Variants in ESRRG observed in about 807,000 individuals in gnomAD.
ESRRG encodes the protein estrogen related receptor gamma.
In ESRRG, 13 loss-of-function variants were observed where a neutral mutation model predicts 44.0. The observed-to-expected ratio is 0.30, with a 90% CI of 0.19 to 0.47. The LOEUF (loss-of-function observed/expected upper bound fraction) is 0.47. Ranked by LOEUF, ESRRG falls within the 20% of genes least tolerant of loss-of-function variation. The probability of loss-of-function intolerance (pLI) is 1.00; values close to 1 mark genes in which losing one functional copy is unlikely to be tolerated. For synonymous variants in ESRRG, 215 were observed against 214.6 expected, an observed-to-expected ratio of 1.00 and a Z score of -0.02; for missense variants, 395 against 580.6, an observed-to-expected ratio of 0.68 and a Z score of 3.29.
intron 1 of ESRRG, among the ~76,000 whole-genome samples, chr1:217,022,758 C>T (rs2080547686): frequency 6.6e-6 from 1 of 152,072 alleles, no homozygotes; most frequent in Non-Finnish European, 1.5e-5. Context: ...GTTTGGCATC[C>T]CCCACATCTG....
chr1:216,687,984 GACA>G (rs2151677698), intron 1 of ESRRG, among the ~76,000 whole-genome samples: 1 of 151,810 alleles, frequency 6.6e-6, no homozygotes, highest in African/African-American at 2.4e-5. Context: ...TAGTGCCTCT[GACA>G]ACAACTTCTG....
chr1:216,676,118 TCCCCTATTTTCTTCAAAAGTGAATTA>T (rs2076065339), intron 2 of ESRRG, among the ~76,000 whole-genome samples: 1 of 152,180 alleles, frequency 6.6e-6, no homozygotes, highest in African/African-American at 2.4e-5. Context: ...ATTTTTTTCT[TCCCCTATTTTCTTCAAAAGTGAATTA>T]CAAGAGACCT....
chr1:217,092,944 A>C (rs1304955389), upstream of ESRRG, among the ~76,000 whole-genome samples: 1 of 138,748 alleles, frequency 7.2e-6, no homozygotes, highest in Non-Finnish European at 1.6e-5. Flanking sequence ...CCTAGAAAAC[A>C]ATTTAGGGAA....
chr1:216,779,914 A>G lies in ESRRG; in HGVS notation c.-13-102423T>C, dbSNP rs1162273541. 3.3e-5 allele frequency among the ~76,000 whole-genome samples: 5 copies of G among 151,790 alleles called. No homozygotes were observed. The South Asian group carries it at 1.0e-3, about 32-fold the overall frequency. ...ATAATGCACCATTAGATTCACATTA[A>G]AAATCAAACAAGATGCCATGTATAA... On this transcript the variant is annotated intron_variant, in intron 2 of 7. Coordinates refer to the ESRRG transcript ENST00000359162.
intron 1 of ESRRG, among the ~76,000 whole-genome samples, chr1:217,045,517 C>A (rs946859409): frequency 1.3e-4 from 20 of 152,274 alleles, no homozygotes; most frequent in African/African-American, 4.6e-4. Context: ...TGGGACCTCC[C>A]AAAGGAAAAT....
chr1:217,047,693 A>G (rs2151197744), intron 1 of ESRRG, among the ~76,000 whole-genome samples: 1 of 152,296 alleles, frequency 6.6e-6, no homozygotes, highest in South Asian at 2.1e-4. Context: ...AGCAGATGGG[A>G]ATGACCAAGA....
In ESRRG at chr1:216,847,884, A is replaced by T. The variant is rs1289507221; in HGVS notation, c.-14+91698T>A. Among the ~76,000 whole-genome samples the T allele has an allele frequency of 2.0e-5, 3 of 152,152 alleles. No individual in the cohort carries two copies. In the East Asian group the frequency reaches 5.8e-4, roughly 29 times the overall value. On this transcript the variant is annotated intron_variant, in intron 2 of 7. Transcript: ENST00000359162. ...GTACAATAATATGTTCAGGGAGCAG[A>T]AGAGGGACACTCCATTCTTGTCTCC... is the stretch of plus-strand genomic sequence containing the variant.
At chr1:216,835,267 A>G (rs925827313) in intron 2 of ESRRG, among the ~76,000 whole-genome samples, 4 of 152,202 alleles carry the variant, frequency 2.6e-5, no homozygotes, top group Admixed American at 6.5e-5. Context: ...CCCCAGAATC[A>G]TAGCAGATTC....
intron 5 of ESRRG, among the ~76,000 whole-genome samples, chr1:216,547,651 C>A (rs1572735461): frequency 6.6e-6 from 1 of 152,018 alleles, no homozygotes; most frequent in Non-Finnish European, 1.5e-5. Flanking sequence ...GTGATTAATT[C>A]TCATAGCATA....
In ESRRG at chr1:217,111,664, C is replaced by T. The variant is rs117564326; in HGVS notation, c.-230+26003G>A. 4.8e-3 allele frequency among the ~76,000 whole-genome samples: 728 copies of T among 152,212 alleles called. 35 individuals carry two copies. In the South Asian group the frequency reaches 0.11, roughly 22 times the overall value. The stretch of plus-strand genomic sequence containing the variant: ...TGTCTCCCCCACCCCACTGTGAAAC[C>T]ACAGAGGCTCCTGAAACATCTCCCA... On this transcript the variant is annotated intron_variant, in intron 1 of 8. Coordinates refer to the ESRRG transcript ENST00000366940.
intron 1 of ESRRG, among the ~76,000 whole-genome samples, chr1:217,048,041 C>T (rs1468061252): frequency 6.6e-6 from 1 of 152,190 alleles, no homozygotes; most frequent in Non-Finnish European, 1.5e-5. Context: ...TCTAAAGAGT[C>T]TTTCTCTCCT....
intron 1 of ESRRG, among the ~76,000 whole-genome samples, chr1:216,957,653 A>C (rs1198331113): frequency 6.6e-6 from 1 of 152,002 alleles, no homozygotes; most frequent in Non-Finnish European, 1.5e-5. Flanking sequence ...TATCCACAGC[A>C]CCAGCATCTC....
At chr1:216,873,424 C>T (rs1273344368) in intron 2 of ESRRG, among the ~76,000 whole-genome samples, 1 of 151,920 alleles carries the variant, frequency 6.6e-6, no homozygotes, top group East Asian at 1.9e-4. Context: ...ATTGGCCAGG[C>T]TGGTCTCGAA....
chr1:217,092,361 A>G (rs946435), upstream of ESRRG, among the ~76,000 whole-genome samples: 146,346 of 152,294 alleles, frequency 0.96, 70,596 homozygotes, highest in Middle Eastern at 1. Flanking sequence ...AACTTTACTC[A>G]TGCTTAGACC....
chr1:216,831,290 C>A (rs1349033548), intron 2 of ESRRG, among the ~76,000 whole-genome samples: 1 of 152,284 alleles, frequency 6.6e-6, no homozygotes, highest in South Asian at 2.1e-4. Flanking sequence ...TCTTAAACTT[C>A]ATCACCTTAT....
intron 5 of ESRRG, among the ~76,000 whole-genome samples, chr1:216,534,508 A>T (rs1405804601): frequency 6.6e-6 from 1 of 152,176 alleles, no homozygotes; most frequent in African/African-American, 2.4e-5. Context: ...TATCTTTAAA[A>T]CAATAATTCA....
intron 2 of ESRRG, among the ~76,000 whole-genome samples, chr1:216,775,886 C>T (rs1033667971): frequency 1.3e-5 from 2 of 151,588 alleles, no homozygotes; most frequent in Non-Finnish European, 2.9e-5. Context: ...CAATATCACC[C>T]CCAATTTATC....
intron 5 of ESRRG, among the ~76,000 whole-genome samples, chr1:216,554,433 G>A (rs1199722901): frequency 6.8e-6 from 1 of 146,032 alleles, no homozygotes; most frequent in Non-Finnish European, 1.5e-5. Context: ...CAGCCTGGGC[G>A]ACAAGAGTGA....
intron 3 of ESRRG, among the ~76,000 whole-genome samples, chr1:216,627,291 T>G (rs1220038959): frequency 6.6e-6 from 1 of 152,214 alleles, no homozygotes; most frequent in Non-Finnish European, 1.5e-5. Flanking sequence ...TCCTGGTCAC[T>G]CAATCCTTTC....
Sources: allele counts gnomAD v4.1 joint callset (sites outside exome capture counted in the v4.1 genomes callset), GRCh38; gene constraint gnomAD v4.1.1; transcripts MANE v1.5; gene names NCBI Gene and HGNC (gene_info 2026-07-23, HGNC 2026-07-21).